The following NAALADL2 variants were observed in gnomAD, a reference collection of about 807,000 sequenced individuals.
The protein encoded by NAALADL2 is inactive N-acetylated-alpha-linked acidic dipeptidase-like protein 2.
Under a neutral mutation model 87.2 loss-of-function variants are expected in NAALADL2, and 76 were observed. The ratio of observed to expected loss-of-function variants is 0.87; its 90% CI spans 0.72 to 1.05. The LOEUF (loss-of-function observed/expected upper bound fraction) is 1.05, where lower values mean the gene tolerates loss of function less well. Ranked by LOEUF, NAALADL2 falls within the 50% of genes least tolerant of loss-of-function variation. The pLI is 0.00. For synonymous variants in NAALADL2, 354 were observed against 331.0 expected, an observed-to-expected ratio of 1.07 and a Z score of -0.75; for missense variants, 1,089 against 945.8, an observed-to-expected ratio of 1.15 and a Z score of -1.99.
At chr3:175,375,686 A>G (rs1214057819) in intron 5 of NAALADL2, among the ~76,000 whole-genome samples, 2 of 152,112 alleles carry the variant, frequency 1.3e-5, no homozygotes, top group Non-Finnish European at 2.9e-5. Flanking sequence ...TGTAGATAAT[A>G]TATAGTGAAT....
intron 2 of NAALADL2, among the ~76,000 whole-genome samples, chr3:175,121,764 T>C (rs1238014889): frequency 6.6e-6 from 1 of 151,872 alleles, no homozygotes; most frequent in Admixed American, 6.6e-5. Context: ...AGATTCAAGA[T>C]GGGTTTCTCC....
intron 2 of NAALADL2, among the ~76,000 whole-genome samples, chr3:175,144,101 T>G (rs1560085946): frequency 6.6e-6 from 1 of 151,982 alleles, no homozygotes; most frequent in South Asian, 2.1e-4. Context: ...GGCTATTTTT[T>G]AAAGATTATT....
In NAALADL2 at chr3:175,330,954, A is replaced by G. The variant is rs181822364; in HGVS notation, c.1090+6629A>G. Reference sequence around the variant, plus strand: ...AAGGCCCAAATAAACAAAATCAGAAATGAAAAAAGACATTACAACTGAAAC... The same window carrying G: ...AAGGCCCAAATAAACAAAATCAGAAGTGAAAAAAGACATTACAACTGAAAC... On this transcript the variant is annotated intron_variant, in intron 5 of 13. Coordinates refer to ENST00000454872, the MANE Select transcript of NAALADL2 (RefSeq NM_207015.3). Among the ~76,000 whole-genome samples, 9 of 151,022 alleles carry G rather than the reference A, an allele frequency of 6.0e-5. 1 individual carries two copies. The East Asian group carries it at 1.6e-3, about 27-fold the overall frequency.
intron 13 of NAALADL2, among the ~76,000 whole-genome samples, chr3:175,796,056 G>T (rs1753440721): frequency 6.8e-6 from 1 of 147,288 alleles, no homozygotes; most frequent in Admixed American, 6.8e-5. Context: ...GTAACATGGT[G>T]GTTTGGCAGG....
chr3:174,555,900 T>C (rs970053262), intron 2 of NAALADL2, among the ~76,000 whole-genome samples: 1 of 152,048 alleles, frequency 6.6e-6, no homozygotes, highest in Non-Finnish European at 1.5e-5. Flanking sequence ...GTGCTGTATT[T>C]GGGGGTTGTG....
intron 4 of NAALADL2, among the ~76,000 whole-genome samples, chr3:175,298,980 T>C (rs62285150): frequency 0.17 from 25,506 of 152,152 alleles, 2,273 homozygotes; most frequent in African/African-American, 0.21. Flanking sequence ...TGAAACTAAG[T>C]TTTAAGCAGA....
chr3:174,836,760 T>C (rs1356928240), intron 3 of NAALADL2, among the ~76,000 whole-genome samples: 1 of 150,738 alleles, frequency 6.6e-6, no homozygotes, highest in East Asian at 1.9e-4. Flanking sequence ...TTTTATGTTA[T>C]GTATATTTTA....
At chr3:174,553,981 C>G (rs963041879) in intron 2 of NAALADL2, among the ~76,000 whole-genome samples, 9 of 152,022 alleles carry the variant, frequency 5.9e-5, no homozygotes, top group African/African-American at 2.2e-4. Flanking sequence ...TAATAATGTT[C>G]TCCATGTCAT....
intron 1 of NAALADL2, among the ~76,000 whole-genome samples, chr3:175,058,839 T>A (rs1409905253): frequency 6.6e-6 from 1 of 152,210 alleles, no homozygotes; most frequent in Non-Finnish European, 1.5e-5. Flanking sequence ...ACCTGTGCTG[T>A]TTTCTTCGGG....
chr3:174,727,493 G>A (rs1732312580), intron 2 of NAALADL2, among the ~76,000 whole-genome samples: 1 of 151,806 alleles, frequency 6.6e-6, no homozygotes, highest in Non-Finnish European at 1.5e-5. Flanking sequence ...ATCCAGCCTG[G>A]TAATAGGTTT....
Position 174,882,615 on chromosome 3 carries a change from A to G in NAALADL2, c.43+23165A>G, listed in dbSNP as rs185881398. ...TGTATATACACATACATATATGTGC[A>G]TATGCATATATGTGCATATACACAT... On this transcript the variant is annotated intron_variant, in intron 1 of 13. Transcript: ENST00000454872. Among the ~76,000 whole-genome samples the G allele has an allele frequency of 1.1e-3, 168 of 149,122 alleles. 1 individual carries two copies. Among genetic ancestry groups the G allele is most frequent in the East Asian group, 9.7e-3 (48 of 4,970 alleles).
At chr3:174,821,714 C>T (rs1721442774) in intron 3 of NAALADL2, among the ~76,000 whole-genome samples, 1 of 152,146 alleles carries the variant, frequency 6.6e-6, no homozygotes, top group Non-Finnish European at 1.5e-5. Flanking sequence ...TTCTCAGAGC[C>T]TTCTGTGTTC....
chr3:175,306,968 A>G (rs1757799853), intron 4 of NAALADL2, among the ~76,000 whole-genome samples: 1 of 152,212 alleles, frequency 6.6e-6, no homozygotes, highest in African/African-American at 2.4e-5. Context: ...TGGTAGGCCC[A>G]CTGTGATCTC....
At chr3:175,328,077 C>T (rs1305641385) in intron 5 of NAALADL2, among the ~76,000 whole-genome samples, 4 of 152,106 alleles carry the variant, frequency 2.6e-5, no homozygotes, top group Non-Finnish European at 5.9e-5. Context: ...TGGGGGTATA[C>T]ATTATTGTAT....
At chr3:174,703,054 T>C (rs1729707309) in intron 2 of NAALADL2, among the ~76,000 whole-genome samples, 1 of 152,210 alleles carries the variant, frequency 6.6e-6, no homozygotes, top group Non-Finnish European at 1.5e-5. Flanking sequence ...TCTCTATCAA[T>C]ACAGAGGATT....
At position 175,135,306 on chromosome 3, in the gene NAALADL2, T is replaced by C. The variant is rs530900537; in HGVS notation, c.545+38015T>C. On this transcript the variant is annotated intron_variant, in intron 2 of 13. Transcript: ENST00000454872. ...CATTTAATATACGTGCCAAGAAAAG[T>C]GATAATTCATTGTGTTGGGAAGATG... Among the ~76,000 whole-genome samples the C allele has an allele frequency of 1.1e-4, 17 of 152,256 alleles. No homozygotes were observed. In the South Asian group the frequency reaches 3.5e-3, roughly 32 times the overall value.
chr3:174,592,208 TTTTA>T (rs777430535), intron 2 of NAALADL2, among the ~76,000 whole-genome samples: 1 of 151,458 alleles, frequency 6.6e-6, no homozygotes, highest in Non-Finnish European at 1.5e-5. Flanking sequence ...GAGTATTTCT[TTTTA>T]TTTATTTATT....
intron 11 of NAALADL2, among the ~76,000 whole-genome samples, chr3:175,671,407 G>A (rs1666998745): frequency 6.6e-6 from 1 of 151,912 alleles, no homozygotes; most frequent in Non-Finnish European, 1.5e-5. Flanking sequence ...TAAATTGCTA[G>A]CAACTGTTAT....
At chr3:174,713,217 G>T (rs1352101989) in intron 2 of NAALADL2, among the ~76,000 whole-genome samples, 1 of 152,136 alleles carries the variant, frequency 6.6e-6, no homozygotes, top group African/African-American at 2.4e-5. Flanking sequence ...CGGACATTTG[G>T]GTTGGTTCCA....
Sources: gnomAD v4.1 joint callset for allele counts (sites outside exome capture counted in the v4.1 genomes callset) on GRCh38, gnomAD v4.1.1 for gene constraint, MANE v1.5 for transcripts, NCBI Gene and HGNC (gene_info 2026-07-23, HGNC 2026-07-21) for gene names.